IL1RAPL1: variants seen among roughly 807,000 people sequenced by gnomAD.
IL1RAPL1 encodes interleukin-1 receptor accessory protein-like 1.
In IL1RAPL1, 3 loss-of-function variants were observed where a neutral mutation model predicts 48.4. That is an observed-to-expected ratio of 0.06 (90% CI 0.03 to 0.16). The LOEUF (loss-of-function observed/expected upper bound fraction) is 0.16. IL1RAPL1 is among the 10% of genes least tolerant of loss of function. The pLI, the probability that IL1RAPL1 is intolerant of heterozygous loss-of-function variation, is 1.00. For synonymous variants in IL1RAPL1, 185 were observed against 187.7 expected, an observed-to-expected ratio of 0.99 and a Z score of 0.12; for missense variants, 349 against 530.6, an observed-to-expected ratio of 0.66 and a Z score of 3.36.
chrX:28,710,267 A>G (rs1935424822), intron 1 of IL1RAPL1, among the ~76,000 whole-genome samples: 1 of 109,689 alleles, frequency 9.1e-6, no homozygotes, highest in Admixed American at 9.9e-5. Context: ...AACAATAAGC[A>G]GAATAAATAA....
intron 2 of IL1RAPL1, among the ~76,000 whole-genome samples, chrX:29,090,722 T>C (rs1398544793): frequency 1.8e-5 from 2 of 111,662 alleles, no homozygotes; most frequent in Non-Finnish European, 3.8e-5. Flanking sequence ...AGTACAAAGA[T>C]TGTGCTTAGG....
chrX:29,265,239 T>G (rs895986638), intron 2 of IL1RAPL1, among the ~76,000 whole-genome samples: 2 of 109,819 alleles, frequency 1.8e-5, no homozygotes, highest in Middle Eastern at 4.3e-3. Context: ...TAGATAAGGA[T>G]CTACCTTTAA....
intron 6 of IL1RAPL1, among the ~76,000 whole-genome samples, chrX:29,825,142 A>G (rs1224871471): frequency 9.0e-6 from 1 of 110,610 alleles, no homozygotes; most frequent in African/African-American, 3.3e-5. Context: ...AAGTTAAGCA[A>G]TCTTACAAAG....
At chrX:29,230,561 G>A (rs371298681) in intron 2 of IL1RAPL1, among the ~76,000 whole-genome samples, 14 of 89,968 alleles carry the variant, frequency 1.6e-4, no homozygotes, top group African/African-American at 2.6e-4. Flanking sequence ...GGCAACCAGC[G>A]CTTTTTGTCA....
chrX:29,078,184 A>G (rs1442751921), intron 2 of IL1RAPL1, among the ~76,000 whole-genome samples: 1 of 112,060 alleles, frequency 8.9e-6, no homozygotes, highest in African/African-American at 3.2e-5. Flanking sequence ...AGGCAAGAGA[A>G]TCACTTGAAC....
chrX:29,792,987 A>G (rs1046459872), intron 6 of IL1RAPL1, among the ~76,000 whole-genome samples: 1 of 112,191 alleles, frequency 8.9e-6, no homozygotes, highest in Non-Finnish European at 1.9e-5. Context: ...CAATGTATAT[A>G]TACTTCAAAA....
intron 3 of IL1RAPL1, among the ~76,000 whole-genome samples, chrX:29,325,413 G>T (rs923736133): frequency 8.9e-6 from 1 of 112,207 alleles, no homozygotes; most frequent in Non-Finnish European, 1.9e-5. Context: ...TAATTGGCAA[G>T]AATTACCACT....
At chrX:29,729,969 T>C (rs760073616) in intron 6 of IL1RAPL1, among the ~76,000 whole-genome samples, 2 of 112,364 alleles carry the variant, frequency 1.8e-5, no homozygotes, top group African/African-American at 6.5e-5. Context: ...CTGTGGGATC[T>C]GGTCAACTTG....
At chrX:29,805,651 T>C (rs1382825468) in intron 6 of IL1RAPL1, among the ~76,000 whole-genome samples, 2 of 111,696 alleles carry the variant, frequency 1.8e-5, no homozygotes, top group East Asian at 5.6e-4. Context: ...TCCTTAAGCA[T>C]GTTTCCACTT....
At chrX:29,565,049 C>T (rs892021874) in intron 5 of IL1RAPL1, among the ~76,000 whole-genome samples, 6 of 111,701 alleles carry the variant, frequency 5.4e-5, no homozygotes, top group Non-Finnish European at 1.9e-5. Context: ...TGCCTTCTCT[C>T]GTCTGTAACC....
chrX:29,211,120 G>GA (rs1930761279), intron 2 of IL1RAPL1, among the ~76,000 whole-genome samples: 1 of 104,014 alleles, frequency 9.6e-6, no homozygotes, highest in Non-Finnish European at 2.0e-5. Context: ...AAAGAGAAAG[G>GA]GAGAGAGAGA....
chrX:29,346,255 C>A (rs756594523), intron 3 of IL1RAPL1, among the ~76,000 whole-genome samples: 15 of 112,510 alleles, frequency 1.3e-4, no homozygotes, highest in African/African-American at 4.8e-4. Flanking sequence ...CTCCCATTTG[C>A]CATGTAAGGT....
intron 1 of IL1RAPL1, among the ~76,000 whole-genome samples, chrX:28,717,631 G>A (rs749010291): frequency 9.0e-6 from 1 of 111,384 alleles, no homozygotes; most frequent in African/African-American, 3.3e-5. Flanking sequence ...AGCTACACAT[G>A]TACTCCTGAA....
intron 1 of IL1RAPL1, among the ~76,000 whole-genome samples, chrX:28,658,241 G>A (rs1455075055): frequency 1.8e-5 from 2 of 111,910 alleles, no homozygotes; most frequent in Admixed American, 9.4e-5. Flanking sequence ...TTTTTGAGAC[G>A]GAGTCTCACT....
At chrX:29,446,945 T>C (rs1449397263) in intron 5 of IL1RAPL1, among the ~76,000 whole-genome samples, 1 of 111,808 alleles carries the variant, frequency 8.9e-6, no homozygotes, top group African/African-American at 3.2e-5. Context: ...ATTACTGAAT[T>C]TTTAATTATA....
At chrX:28,894,870 C>G (rs1327338188) in intron 2 of IL1RAPL1, among the ~76,000 whole-genome samples, 5 of 110,544 alleles carry the variant, frequency 4.5e-5, no homozygotes, top group African/African-American at 1.7e-4. Context: ...GGAGATTAGC[C>G]GGACACGATC....
At chrX:28,596,240 A>G (rs1268428530) in intron 1 of IL1RAPL1, among the ~76,000 whole-genome samples, 6 of 111,889 alleles carry the variant, frequency 5.4e-5, no homozygotes, top group African/African-American at 1.6e-4. Flanking sequence ...TTAAAAAAGT[A>G]AAAAAAGGAA....
intron 2 of IL1RAPL1, among the ~76,000 whole-genome samples, chrX:29,103,423 A>C (rs1232653024): frequency 8.9e-6 from 1 of 112,227 alleles, no homozygotes; most frequent in Non-Finnish European, 1.9e-5. Flanking sequence ...ATCCATATGC[A>C]GAAGAATGAA....
intron 2 of IL1RAPL1, among the ~76,000 whole-genome samples, chrX:28,841,097 C>T (rs925328560): frequency 1.9e-4 from 21 of 110,588 alleles, no homozygotes; most frequent in Admixed American, 3.9e-4. Flanking sequence ...TTTGAATATT[C>T]TAATATACTA....
Sources: gnomAD v4.1 joint callset for allele counts (sites outside exome capture counted in the v4.1 genomes callset) on GRCh38, gnomAD v4.1.1 for gene constraint, MANE v1.5 for transcripts, NCBI Gene and HGNC (gene_info 2026-07-23, HGNC 2026-07-21) for gene names.